Variants in ALKBH8 observed in about 807,000 individuals in gnomAD.
The protein encoded by ALKBH8 is tRNA (carboxymethyluridine(34)-5-O)-methyltransferase ALKBH8.
Under a neutral mutation model 59.8 loss-of-function variants are expected in ALKBH8, and 36 were observed. The observed-to-expected ratio is 0.60, with a 90% CI of 0.46 to 0.79. ALKBH8 has a LOEUF of 0.79. Among genes scored for constraint, ALKBH8 ranks in the 30% least tolerant of loss-of-function variants. ALKBH8 has a pLI of 0.00. For missense variants in ALKBH8, 768 were observed against 801.0 expected (o/e 0.96, Z 0.50); for synonymous variants, 276 against 273.6 (o/e 1.01, Z -0.09).
At chr11:107,520,887 T>C (rs1436055954) in intron 10 of ALKBH8, among the ~76,000 whole-genome samples, 4 of 152,086 alleles carry the variant, frequency 2.6e-5, no homozygotes, top group Non-Finnish European at 4.4e-5. Context: ...CAGGTCAAAA[T>C]ACTAAAAAAA....
chr11:107,527,307 C>T (rs1260455708), intron 8 of ALKBH8, among the ~76,000 whole-genome samples: 1 of 151,792 alleles, frequency 6.6e-6, no homozygotes, highest in Non-Finnish European at 1.5e-5. Flanking sequence ...GCTTCATATT[C>T]GCAGGGAATG....
At chr11:107,557,342 C>G (rs926040227) in intron 2 of ALKBH8, among the ~76,000 whole-genome samples, 9 of 152,102 alleles carry the variant, frequency 5.9e-5, no homozygotes, top group African/African-American at 1.9e-4. Context: ...GGAGAAAGGA[C>G]AGTTACATAA....
intron 6 of ALKBH8, among the ~76,000 whole-genome samples, chr11:107,551,604 G>A (rs1171017639): frequency 1.3e-5 from 2 of 150,084 alleles, no homozygotes; most frequent in African/African-American, 4.9e-5. Context: ...TGAGGCAGGA[G>A]AATCACTTGA....
intron 8 of ALKBH8, among the ~76,000 whole-genome samples, chr11:107,530,609 ACACACACACAC>A (rs1565328347): frequency 3.5e-4 from 9 of 25,554 alleles, no homozygotes; most frequent in South Asian, 1.8e-3. Flanking sequence ...TAACACACAC[ACACACACACAC>A]ACACACACAC....
intron 10 of ALKBH8, among the ~76,000 whole-genome samples, chr11:107,517,337 A>G (rs898982093): frequency 6.6e-6 from 1 of 152,196 alleles, no homozygotes; most frequent in East Asian, 1.9e-4. Context: ...TAGGACAGCC[A>G]CTAGGGAAAA....
chr11:107,510,381 C>A (rs1862571389), intron 11 of ALKBH8, among the ~76,000 whole-genome samples: 1 of 150,780 alleles, frequency 6.6e-6, no homozygotes, highest in Non-Finnish European at 1.5e-5. Context: ...CTACTACCAG[C>A]TAAAAAAGAC....
intron 8 of ALKBH8, among the ~76,000 whole-genome samples, chr11:107,529,530 A>C (rs1004719562): frequency 6.0e-5 from 9 of 150,934 alleles, no homozygotes; most frequent in African/African-American, 1.7e-4. Context: ...TTTGATATGG[A>C]GTCTCACTCT....
intron 3 of ALKBH8, among the ~76,000 whole-genome samples, 179 bp downstream of exon 3, chr11:107,556,587 G>A (rs1864722598): frequency 6.6e-6 from 1 of 152,150 alleles, no homozygotes; most frequent in South Asian, 2.1e-4. Context: ...CCTCTGTACT[G>A]TCAACTACTT....
chr11:107,522,030 TAA>T (rs1216041217), intron 10 of ALKBH8, among the ~76,000 whole-genome samples: 1 of 152,056 alleles, frequency 6.6e-6, no homozygotes, highest in South Asian at 2.1e-4. Context: ...TTCTAATCTG[TAA>T]AGAGTTTTAT....
At chr11:107,521,641 T>G (rs1190824775) in intron 10 of ALKBH8, among the ~76,000 whole-genome samples, 1 of 151,942 alleles carries the variant, frequency 6.6e-6, no homozygotes, top group Non-Finnish European at 1.5e-5. Context: ...ATATCCTACT[T>G]CTTAGCACAG....
At chr11:107,519,129 G>A (rs1862998140) in intron 10 of ALKBH8, among the ~76,000 whole-genome samples, 1 of 151,688 alleles carries the variant, frequency 6.6e-6, no homozygotes, top group African/African-American at 2.4e-5. Context: ...TTTTGAGACA[G>A]AGTCTCACTC....
At chr11:107,547,950 G>A (rs1410549820) in intron 7 of ALKBH8, among the ~76,000 whole-genome samples, 1 of 152,112 alleles carries the variant, frequency 6.6e-6, no homozygotes, top group African/African-American at 2.4e-5. Context: ...TAAAACCTGT[G>A]CAATGATCTT....
chr11:107,533,589 T>C (rs892715351), intron 7 of ALKBH8, among the ~76,000 whole-genome samples: 10 of 152,172 alleles, frequency 6.6e-5, no homozygotes, highest in African/African-American at 2.4e-4. Flanking sequence ...TATAATTTCA[T>C]ATAGTCATAC....
At chr11:107,514,934 G>C (rs1862799330) in intron 10 of ALKBH8, among the ~76,000 whole-genome samples, 1 of 152,176 alleles carries the variant, frequency 6.6e-6, no homozygotes, top group African/African-American at 2.4e-5. Context: ...AACAAAACAA[G>C]AGATTTCCCT....
Position 107,565,614 on chromosome 11 carries a change from C to T in ALKBH8, c.-20G>A. The T allele has an allele frequency of 6.5e-7, 1 of 1,535,746 alleles. No individual in the cohort carries two copies. The highest frequency in any genetic ancestry group is 8.7e-7 in the Non-Finnish European group (1 of 1,146,910). On this transcript the variant is annotated 5_prime_UTR_variant, in exon 1 of 12. Coordinates refer to ENST00000428149, the MANE Select transcript of ALKBH8 (RefSeq NM_138775.3). The stretch of plus-strand genomic sequence containing the variant: ...AGTGCCACACACCTCCGCTTCGGCT[C>T]AGGCCGGATTCTCACCATGCGTGTG...
At chr11:107,508,506 G>A (rs1001301287) in intron 11 of ALKBH8, among the ~76,000 whole-genome samples, 3 of 152,150 alleles carry the variant, frequency 2.0e-5, no homozygotes, top group African/African-American at 4.8e-5. Context: ...TAAAATATAT[G>A]TAACAAAATT....
intron 2 of ALKBH8, among the ~76,000 whole-genome samples, chr11:107,559,775 T>C (rs1280913793): frequency 6.6e-6 from 1 of 152,200 alleles, no homozygotes; most frequent in Admixed American, 6.5e-5. Flanking sequence ...TAAATTCAAA[T>C]GTGCCTCAAC....
At chr11:107,534,180 G>A (rs746635068) in intron 7 of ALKBH8, among the ~76,000 whole-genome samples, 42 of 152,080 alleles carry the variant, frequency 2.8e-4, no homozygotes, top group Non-Finnish European at 5.1e-4. Context: ...TTGTTGGGGG[G>A]AAATGGGAAA....
intron 11 of ALKBH8, among the ~76,000 whole-genome samples, chr11:107,505,514 A>G (rs913513790): frequency 3.9e-5 from 6 of 152,232 alleles, no homozygotes; most frequent in Non-Finnish European, 8.8e-5. Flanking sequence ...TTCTAGGGCT[A>G]TAAGCGGTAA....
Sources: gnomAD v4.1 joint callset for allele counts (sites outside exome capture counted in the v4.1 genomes callset) on GRCh38, gnomAD v4.1.1 for gene constraint, MANE v1.5 for transcripts, NCBI Gene and HGNC (gene_info 2026-07-23, HGNC 2026-07-21) for gene names.